ARID1B: variants seen among roughly 807,000 people sequenced by gnomAD.
The protein encoded by ARID1B is AT-rich interaction domain 1B.
In ARID1B, 30 loss-of-function variants were observed where a neutral mutation model predicts 212.3. The observed-to-expected ratio is 0.14, with a 90% CI of 0.11 to 0.19. ARID1B has a LOEUF of 0.19. Among genes scored for constraint, ARID1B ranks in the 10% least tolerant of loss-of-function variants. The pLI is 1.00. For synonymous variants in ARID1B, 1,402 were observed against 1,301.7 expected, an observed-to-expected ratio of 1.08 and a Z score of -1.66; for missense variants, 2,891 against 3,204.0, an observed-to-expected ratio of 0.90 and a Z score of 2.36.
chr6:156,935,347 TG>T, intron 3 of ARID1B, 118 bp from the exon 4 acceptor site: 1 of 816,436 alleles, frequency 1.2e-6, no homozygotes, highest in Non-Finnish European at 2.0e-6. Context: ...CCCGAAGTGC[TG>T]GGATTACAGG....
At chr6:157,034,018 C>T (rs867048002) in intron 4 of ARID1B, among the ~76,000 whole-genome samples, 3 of 152,020 alleles carry the variant, frequency 2.0e-5, no homozygotes, top group Middle Eastern at 3.2e-3. Flanking sequence ...AGGAGGAGAA[C>T]GTTGGCTATT....
rs1223720773 is a variant in ARID1B at position 157,209,177 on chromosome 6, T to C, written c.*1286T>C. On this transcript the variant is annotated 3_prime_UTR_variant, in exon 20 of 20. Coordinates refer to ENST00000636930, the MANE Select transcript of ARID1B (RefSeq NM_001374828.1). ...TTGATGTAAATTCCTCCTTTTCCTCTGGCTTAATGAATATCATTTATTCAG... is the reference window on the plus strand; with the variant it reads ...TTGATGTAAATTCCTCCTTTTCCTCCGGCTTAATGAATATCATTTATTCAG... 4.3e-6 allele frequency: 1 copy of C among 230,478 alleles called. No homozygotes were observed. The highest frequency in any genetic ancestry group is 8.6e-6 in the Non-Finnish European group (1 of 116,194). The allele number at this position is 230,478 out of a possible 1,614,324, so 14.3% of individuals were successfully genotyped here.
intron 5 of ARID1B, among the ~76,000 whole-genome samples, chr6:157,099,527 G>T (rs1785914440): frequency 1.3e-5 from 2 of 152,178 alleles, no homozygotes; most frequent in African/African-American, 4.8e-5. Context: ...TGTAGTTTTA[G>T]TATGTTTAAT....
At chr6:157,004,508 TG>T (rs1779088244) in intron 4 of ARID1B, among the ~76,000 whole-genome samples, 3 of 152,216 alleles carry the variant, frequency 2.0e-5, no homozygotes, top group African/African-American at 7.2e-5. Flanking sequence ...CGAAGAACAC[TG>T]GGGCCATGGA....
chr6:157,102,092 T>G (rs1045219284), intron 5 of ARID1B, among the ~76,000 whole-genome samples: 3 of 152,200 alleles, frequency 2.0e-5, no homozygotes, highest in African/African-American at 7.2e-5. Flanking sequence ...CAGAATTGGT[T>G]GTGGTTCAGA....
At chr6:157,075,433 C>T (rs1166915017) in intron 4 of ARID1B, among the ~76,000 whole-genome samples, 1 of 152,142 alleles carries the variant, frequency 6.6e-6, no homozygotes, top group Admixed American at 6.5e-5. Context: ...AGGATACTTG[C>T]ATAATTTCAT....
intron 1 of ARID1B, among the ~76,000 whole-genome samples, chr6:156,801,390 G>T (rs534940455): frequency 1.3e-5 from 2 of 151,686 alleles, no homozygotes; most frequent in East Asian, 3.9e-4. Context: ...TAGTAGGGAC[G>T]GGGTTTCATC....
intron 4 of ARID1B, among the ~76,000 whole-genome samples, chr6:156,990,949 T>A (rs1778242424): frequency 6.6e-6 from 1 of 152,254 alleles, no homozygotes; most frequent in Admixed American, 6.5e-5. Context: ...TAACAACAAC[T>A]AACATTGATT....
chr6:156,837,378 A>T, intron 2 of ARID1B, among the ~76,000 whole-genome samples: 1 of 152,224 alleles, frequency 6.6e-6, no homozygotes, highest in African/African-American at 2.4e-5. Flanking sequence ...ATTGAACAAC[A>T]TTGGGACAGA....
chr6:156,829,447 G>A (rs1379383242), intron 2 of ARID1B, 26 bp downstream of exon 2: 2 of 1,595,860 alleles, frequency 1.3e-6, no homozygotes, highest in Non-Finnish European at 1.7e-6. Context: ...CCGACCCGCT[G>A]CTTTTTTGTA....
intron 5 of ARID1B, among the ~76,000 whole-genome samples, chr6:157,086,204 C>CT (rs1299711914): frequency 6.6e-6 from 1 of 152,106 alleles, no homozygotes; most frequent in East Asian, 1.9e-4. Flanking sequence ...CTAAAATTTG[C>CT]TTTTTTTAAC....
chr6:156,831,695 C>T (rs1222471351), intron 2 of ARID1B, among the ~76,000 whole-genome samples: 1 of 152,240 alleles, frequency 6.6e-6, no homozygotes, highest in Admixed American at 6.5e-5. Context: ...GACTCTTATA[C>T]ACTTTTTAAA....
At chr6:157,171,644 C>T (rs1791723725) in intron 9 of ARID1B, among the ~76,000 whole-genome samples, 2 of 152,158 alleles carry the variant, frequency 1.3e-5, no homozygotes, top group African/African-American at 4.8e-5. Context: ...TAAATTCTAT[C>T]CTTATTTATC....
chr6:156,838,388 C>T (rs17054612), intron 2 of ARID1B, among the ~76,000 whole-genome samples: 6,415 of 152,234 alleles, frequency 0.042, 491 homozygotes, highest in African/African-American at 0.15. Context: ...GTTGTAGTAG[C>T]TAGTCCTCAA....
At chr6:157,095,332 C>A (rs577873633) in intron 5 of ARID1B, among the ~76,000 whole-genome samples, 13 of 152,180 alleles carry the variant, frequency 8.5e-5, no homozygotes, top group African/African-American at 3.1e-4. Flanking sequence ...CGGTCTGACA[C>A]GGGGTATTCC....
rs1420840598 is a variant in ARID1B, at chr6:156,962,438, T to A, written c.2247+26862T>A. Among the ~76,000 whole-genome samples, 3 of 152,394 alleles carry A rather than the reference T, an allele frequency of 2.0e-5. No homozygotes were observed. The East Asian group carries it at 5.8e-4, about 29-fold the overall frequency. Reference sequence around the variant, plus strand: ...TTAGAAAAAGTTTTCCAGATGTCTGTGCCTGTGTCTATTTCTTTTCTCTTT... The same window carrying A: ...TTAGAAAAAGTTTTCCAGATGTCTGAGCCTGTGTCTATTTCTTTTCTCTTT... On this transcript the variant is annotated intron_variant, in intron 4 of 19. Transcript: ENST00000636930.
intron 5 of ARID1B, among the ~76,000 whole-genome samples, chr6:157,086,972 C>T (rs181069793): frequency 1.3e-5 from 2 of 152,296 alleles, no homozygotes; most frequent in African/African-American, 4.8e-5. Flanking sequence ...GAAAGCTTTC[C>T]ACTTTCTTGG....
At chr6:157,021,206 C>T (rs1257380829) in intron 4 of ARID1B, among the ~76,000 whole-genome samples, 2 of 152,258 alleles carry the variant, frequency 1.3e-5, no homozygotes, top group Admixed American at 6.5e-5. Flanking sequence ...CCTCACTGCG[C>T]GTCCACACCT....
chr6:156,826,287 G>T (rs758254837), intron 1 of ARID1B, among the ~76,000 whole-genome samples: 39 of 152,214 alleles, frequency 2.6e-4, no homozygotes, highest in Non-Finnish European at 3.7e-4. Context: ...CTGAGCTCAG[G>T]TATTTCCTAT....
Sources: gnomAD v4.1 joint callset for allele counts (sites outside exome capture counted in the v4.1 genomes callset) on GRCh38, gnomAD v4.1.1 for gene constraint, MANE v1.5 for transcripts, NCBI Gene and HGNC (gene_info 2026-07-23, HGNC 2026-07-21) for gene names.